The following REDIC1 variants were observed in gnomAD, a reference collection of about 807,000 sequenced individuals.
The protein encoded by REDIC1 is regulator of DNA class I crossover intermediates 1.
chr12:39,652,904 T>A, the REDIC1 span, among the ~76,000 whole-genome samples: 1 of 152,122 alleles, frequency 6.6e-6, no homozygotes, highest in African/African-American at 2.4e-5. Flanking sequence ...ATTATGTTAG[T>A]ACCAAACTGT....
the REDIC1 span, among the ~76,000 whole-genome samples, chr12:39,780,175 C>A: frequency 6.6e-6 from 1 of 151,960 alleles, no homozygotes; most frequent in African/African-American, 2.4e-5. Flanking sequence ...CAATTCAAAG[C>A]AATAGCATCA....
chr12:39,893,188 C>A, the REDIC1 span, among the ~76,000 whole-genome samples: 1 of 152,068 alleles, frequency 6.6e-6, no homozygotes, highest in African/African-American at 2.4e-5. Flanking sequence ...ATTAGATTGG[C>A]CAATTTTCTA....
At chr12:39,743,048 T>C in the REDIC1 span, among the ~76,000 whole-genome samples, 1 of 121,958 alleles carries the variant, frequency 8.2e-6, no homozygotes, top group South Asian at 3.1e-4. Flanking sequence ...ACCAGGTTTA[T>C]AGAGTGACGA....
the REDIC1 span, among the ~76,000 whole-genome samples, chr12:39,898,923 A>C: frequency 6.6e-6 from 1 of 152,178 alleles, no homozygotes; most frequent in Admixed American, 6.5e-5. Context: ...GAAGGAAAAG[A>C]AGAGTGATCT....
At chr12:39,718,433 T>C in the REDIC1 span, among the ~76,000 whole-genome samples, 24 of 152,176 alleles carry the variant, frequency 1.6e-4, no homozygotes, top group Non-Finnish European at 5.9e-5. Context: ...AAAGCACTGA[T>C]GGAATCAACT....
chr12:39,737,013 A>G, the REDIC1 span: 5 of 152,294 alleles, frequency 3.3e-5, no homozygotes, highest in South Asian at 4.1e-4. Flanking sequence ...GCATTAGATA[A>G]TTGGAACAGA....
chr12:39,792,377 G>C, the REDIC1 span, among the ~76,000 whole-genome samples: 5 of 151,868 alleles, frequency 3.3e-5, no homozygotes, highest in Non-Finnish European at 5.9e-5. Flanking sequence ...TGACAAATGG[G>C]ATCTAATTAA....
the REDIC1 span, among the ~76,000 whole-genome samples, chr12:39,686,040 T>C: frequency 6.6e-6 from 1 of 152,246 alleles, no homozygotes; most frequent in Non-Finnish European, 1.5e-5. Context: ...TCTGTGGTTT[T>C]GCAAGGTTCA....
the REDIC1 span, among the ~76,000 whole-genome samples, chr12:39,814,422 T>G: frequency 1.6e-4 from 24 of 152,316 alleles, no homozygotes; most frequent in African/African-American, 5.8e-4. Flanking sequence ...ACAAGAAGGC[T>G]TTAGCTGATC....
the REDIC1 span, among the ~76,000 whole-genome samples, chr12:39,856,264 T>G: frequency 6.6e-6 from 1 of 152,168 alleles, no homozygotes; most frequent in Non-Finnish European, 1.5e-5. Flanking sequence ...CATCCATTCA[T>G]CCATCCATCC....
At chr12:39,836,529 G>C in the REDIC1 span, among the ~76,000 whole-genome samples, 1 of 151,470 alleles carries the variant, frequency 6.6e-6, no homozygotes, top group Admixed American at 6.6e-5. Flanking sequence ...TATTCAATTA[G>C]GAAAAGAGGA....
the REDIC1 span, among the ~76,000 whole-genome samples, chr12:39,793,921 G>A: frequency 6.6e-6 from 1 of 152,104 alleles, no homozygotes; most frequent in Non-Finnish European, 1.5e-5. Context: ...ATCTCAGTGA[G>A]CTCATTATGG....
At chr12:39,698,568 A>G in the REDIC1 span, among the ~76,000 whole-genome samples, 1 of 152,228 alleles carries the variant, frequency 6.6e-6, no homozygotes, top group Non-Finnish European at 1.5e-5. Flanking sequence ...CACATGGATC[A>G]TTCTCAAAGA....
chr12:39,896,326 G>A, the REDIC1 span, among the ~76,000 whole-genome samples: 12 of 140,302 alleles, frequency 8.6e-5, no homozygotes, highest in African/African-American at 2.9e-4. Context: ...GTATGTATAT[G>A]TGTATATATG....
At chr12:39,908,003 A>G in the REDIC1 span, 1 of 151,634 alleles carries the variant, frequency 6.6e-6, no homozygotes, top group African/African-American at 2.4e-5. Context: ...CTTCTCAGGG[A>G]TGCAAAATTC....
chr12:39,737,449 A>T, the REDIC1 span, among the ~76,000 whole-genome samples: 1 of 152,230 alleles, frequency 6.6e-6, no homozygotes, highest in Non-Finnish European at 1.5e-5. Flanking sequence ...TATAAGGTCG[A>T]GAGCCACTGT....
At chr12:39,810,903 C>T in the REDIC1 span, among the ~76,000 whole-genome samples, 1 of 152,006 alleles carries the variant, frequency 6.6e-6, no homozygotes, top group Non-Finnish European at 1.5e-5. Context: ...CTTGCAGTTT[C>T]TGGATAGATT....
chr12:39,738,979 A>T, the REDIC1 span, among the ~76,000 whole-genome samples: 1 of 152,084 alleles, frequency 6.6e-6, no homozygotes, highest in African/African-American at 2.4e-5. Flanking sequence ...TGAAAAAATC[A>T]AGTGGATATA....
chr12:39,876,303 C>CT, the REDIC1 span, among the ~76,000 whole-genome samples: 85 of 152,324 alleles, frequency 5.6e-4, 1 homozygote, highest in East Asian at 0.015. Context: ...AAATGACAGT[C>CT]TATCCTAATG....
Sources: allele counts gnomAD v4.1 joint callset (sites outside exome capture counted in the v4.1 genomes callset), GRCh38; gene constraint gnomAD v4.1.1; transcripts MANE v1.5; gene names NCBI Gene and HGNC (gene_info 2026-07-23, HGNC 2026-07-21).